The following DYRK1A variants were observed in gnomAD, a reference collection of about 807,000 sequenced individuals.
The protein encoded by DYRK1A is dual specificity tyrosine-phosphorylation-regulated kinase 1A.
DYRK1A carries 9 observed loss-of-function variants against 79.7 expected under a neutral mutation model. That is an observed-to-expected ratio of 0.11 (90% confidence interval 0.07 to 0.20). The LOEUF (loss-of-function observed/expected upper bound fraction) is 0.20, where lower values mean the gene tolerates loss of function less well. Ranked by LOEUF, DYRK1A falls within the 10% of genes least tolerant of loss-of-function variation. The probability of loss-of-function intolerance (pLI) is 1.00; values close to 1 mark genes in which losing one functional copy is unlikely to be tolerated. For synonymous variants in DYRK1A, 349 were observed against 329.7 expected (o/e 1.06, Z -0.63); for missense variants, 622 against 956.0 (o/e 0.65, Z 4.61).
At position 37,519,213 on chromosome 21, in the gene DYRK1A, G is replaced by C. The variant is rs547730361; in HGVS notation, c.*6682G>C. On this transcript the variant is annotated 3_prime_UTR_variant, in exon 12 of 12. Coordinates refer to ENST00000647188, the MANE Select transcript of DYRK1A (RefSeq NM_001347721.2). ...GTTCCTTTATATCTCAGTCTCATCT[G>C]GTCTTGTAAGCCGGTGAAGGGTTTC... 11 of 152,280 alleles carry C rather than the reference G, an allele frequency of 7.2e-5. No homozygotes were observed. The highest frequency in any genetic ancestry group is 2.4e-4 in the African/African-American group (10 of 41,546). 9.4% of individuals were successfully genotyped at this position (152,280 alleles called of 1,614,324 possible). A position where few individuals can be genotyped will look rare whatever the true frequency, so the allele number is the denominator to read the frequency against.
At chr21:37,386,743 C>G (rs1286071351) in intron 1 of DYRK1A, among the ~76,000 whole-genome samples, 1 of 152,154 alleles carries the variant, frequency 6.6e-6, no homozygotes, top group East Asian at 1.9e-4. Flanking sequence ...ACAGTGATGT[C>G]TTCAGGGCCC....
chr21:37,498,082 GGTTT>G (rs1256956253), intron 9 of DYRK1A, among the ~76,000 whole-genome samples: 14 of 151,780 alleles, frequency 9.2e-5, no homozygotes, highest in Non-Finnish European at 1.9e-4. Flanking sequence ...ATCTCTTTGT[GGTTT>G]GTTTACTGAT....
At chr21:37,378,653 A>G (rs1455694111) in intron 1 of DYRK1A, among the ~76,000 whole-genome samples, 2 of 152,220 alleles carry the variant, frequency 1.3e-5, no homozygotes, top group Non-Finnish European at 2.9e-5. Context: ...TTCTTCTTCA[A>G]TTGAGTGAAC....
At chr21:37,473,121 A>G (rs1018553359) in intron 3 of DYRK1A, among the ~76,000 whole-genome samples, 2 of 152,182 alleles carry the variant, frequency 1.3e-5, no homozygotes, top group African/African-American at 4.8e-5. Flanking sequence ...AGAAAGGGGA[A>G]AAGTTATTTC....
chr21:37,488,512 T>C, intron 6 of DYRK1A: 1 of 905,048 alleles, frequency 1.1e-6, no homozygotes, highest in Non-Finnish European at 1.3e-6. Flanking sequence ...ATTTGGTACC[T>C]GCCATGGTCT....
At chr21:37,375,611 C>T (rs796083729) in intron 1 of DYRK1A, among the ~76,000 whole-genome samples, 11 of 149,122 alleles carry the variant, frequency 7.4e-5, no homozygotes, top group African/African-American at 2.2e-4. Context: ...CTGCAACCTC[C>T]GCCTTCCGGG....
At chr21:37,391,134 G>C (rs1476315068) in intron 1 of DYRK1A, among the ~76,000 whole-genome samples, 1 of 152,192 alleles carries the variant, frequency 6.6e-6, no homozygotes. Context: ...CTAGTGCCCT[G>C]GTTCTTTGGA....
At chr21:37,439,948 C>G (rs2051042337) in intron 2 of DYRK1A, among the ~76,000 whole-genome samples, 1 of 151,828 alleles carries the variant, frequency 6.6e-6, no homozygotes, top group African/African-American at 2.4e-5. Context: ...ATAAAGGTCA[C>G]TTTGTTATGA....
At chr21:37,495,564 G>A (rs2053243072) in intron 8 of DYRK1A, among the ~76,000 whole-genome samples, 1 of 152,058 alleles carries the variant, frequency 6.6e-6, no homozygotes, top group African/African-American at 2.4e-5. Context: ...CCTGGGAGGT[G>A]GAGGTTGCAG....
rs1224161500 is a variant in DYRK1A, at chr21:37,512,958, CTTTTT to C, written c.*432_*436del. 3 of 43,642 alleles carry C rather than the reference CTTTTT, an allele frequency of 6.9e-5. No homozygotes were observed. The highest frequency in any genetic ancestry group is 2.6e-4 in the African/African-American group (3 of 11,326). The allele number at this position is 43,642 out of a possible 1,614,324, so 2.7% of individuals were successfully genotyped here. Reference sequence around the variant, plus strand: ...TTTTCTTTTTGTCCCCCCCATCCCCCTTTTTTTTTGTTTTGTTCTGTTTTGTTTTG... The same window carrying C: ...TTTTCTTTTTGTCCCCCCCATCCCCCTTTTGTTTTGTTCTGTTTTGTTTTG... On this transcript the variant is annotated 3_prime_UTR_variant, in exon 12 of 12. Transcript: ENST00000647188.
chr21:37,488,954 C>T (rs1049967950), intron 6 of DYRK1A: 6 of 806,256 alleles, frequency 7.4e-6, no homozygotes, highest in Non-Finnish European at 9.0e-6. Flanking sequence ...TTTAAGGATT[C>T]CTTTTGTTAT....
At chr21:37,434,642 A>G (rs1260220709) in intron 2 of DYRK1A, among the ~76,000 whole-genome samples, 1 of 152,216 alleles carries the variant, frequency 6.6e-6, no homozygotes, top group East Asian at 1.9e-4. Context: ...AGTATTATTT[A>G]CTTGGTCTCA....
upstream of DYRK1A, chr21:37,365,639 A>T (rs1380428692): frequency 6.6e-6 from 1 of 152,190 alleles, no homozygotes; most frequent in Non-Finnish European, 1.5e-5. Context: ...GGGTAGGGAG[A>T]ATAAAAATCA....
At chr21:37,501,621 A>G (rs961941239) in intron 9 of DYRK1A, 6 of 152,240 alleles carry the variant, frequency 3.9e-5, no homozygotes, top group African/African-American at 1.4e-4. Flanking sequence ...TTGGTCACAG[A>G]ACGTGATTTT....
intron 2 of DYRK1A, among the ~76,000 whole-genome samples, chr21:37,466,737 A>G (rs1227328107): frequency 2.6e-5 from 4 of 152,162 alleles, no homozygotes; most frequent in Non-Finnish European, 5.9e-5. Context: ...CCAGTATAAC[A>G]CTTTAAGTAG....
In DYRK1A at chr21:37,401,512, C is replaced by T. The variant is rs372922331; in HGVS notation, c.-76-18787C>T. Among the ~76,000 whole-genome samples, 85 of 133,234 alleles carry T rather than the reference C, an allele frequency of 6.4e-4. No homozygotes were observed. In the East Asian group the frequency reaches 0.014, roughly 22 times the overall value. 87.4% of individuals were successfully genotyped at this position (133,234 alleles called of 152,430 possible). On this transcript the variant is annotated intron_variant, in intron 1 of 11. Coordinates refer to ENST00000647188, the MANE Select transcript of DYRK1A (RefSeq NM_001347721.2). ...TTTTTTTTTTTGGGAGACAGAGTTT[C>T]GCTCTTGTTGCCCAGGCTGGAGTGC...
At chr21:37,416,337 T>TTTTTTTTAA (rs964749412) in intron 1 of DYRK1A, among the ~76,000 whole-genome samples, 3 of 148,362 alleles carry the variant, frequency 2.0e-5, no homozygotes, top group Non-Finnish European at 3.0e-5. Flanking sequence ...TTTTTTTTTT[T>TTTTTTTTAA]AAAGACTGTG....
At chr21:37,405,341 C>T (rs569090712) in intron 1 of DYRK1A, among the ~76,000 whole-genome samples, 7 of 152,300 alleles carry the variant, frequency 4.6e-5, no homozygotes, top group African/African-American at 1.7e-4. Context: ...TGCCTAGTCT[C>T]CTGCATCCTT....
At chr21:37,489,473 CCTT>C (rs1485122067) in intron 6 of DYRK1A, among the ~76,000 whole-genome samples, 1 of 152,142 alleles carries the variant, frequency 6.6e-6, no homozygotes, top group African/African-American at 2.4e-5. Flanking sequence ...TCACAAGCCT[CCTT>C]ATCATCTCTT....
Sources: allele counts gnomAD v4.1 joint callset (sites outside exome capture counted in the v4.1 genomes callset), GRCh38; gene constraint gnomAD v4.1.1; transcripts MANE v1.5; gene names NCBI Gene and HGNC (gene_info 2026-07-23, HGNC 2026-07-21).